Variants in PAPOLG observed in about 807,000 individuals in gnomAD.
PAPOLG encodes PAP-gamma.
In PAPOLG, 40 loss-of-function variants were observed where a neutral mutation model predicts 99.0. That is an observed-to-expected ratio of 0.40 (90% confidence interval 0.31 to 0.53). PAPOLG has a LOEUF of 0.53. Among genes scored for constraint, PAPOLG ranks in the 20% least tolerant of loss-of-function variants. The pLI, the probability that PAPOLG is intolerant of heterozygous loss-of-function variation, is 0.41. For missense variants in PAPOLG, 675 were observed against 884.1 expected, an observed-to-expected ratio of 0.76 and a Z score of 3.00; for synonymous variants, 310 against 299.3, an observed-to-expected ratio of 1.04 and a Z score of -0.37.
chr2:60,769,460 C>T (rs1434878595), intron 5 of PAPOLG, among the ~76,000 whole-genome samples: 1 of 152,090 alleles, frequency 6.6e-6, no homozygotes, highest in Non-Finnish European at 1.5e-5. Context: ...AGTGTTAATG[C>T]ATTCTGAAGT....
chr2:60,782,096 G>T, intron 11 of PAPOLG, 91 bp downstream of exon 11: 1 of 1,279,370 alleles, frequency 7.8e-7, no homozygotes. Flanking sequence ...TTGGCAGTTA[G>T]AGTTATACCT....
rs567442995 is a variant in PAPOLG, at chr2:60,794,620, G to A, written c.1990-90G>A. On this transcript the variant is annotated intron_variant, in intron 19 of 21. Coordinates refer to ENST00000238714, the MANE Select transcript of PAPOLG (RefSeq NM_022894.4). ...TGTTTATAGTAATTTTTATAATAGT[G>A]TAACCAATAACTAGTTTTCCAGTTT... is the stretch of plus-strand genomic sequence containing the variant. The A allele has an allele frequency of 1.6e-5, 17 of 1,077,678 alleles. No individual in the cohort carries two copies. In the South Asian group the frequency reaches 1.7e-4, roughly 11 times the overall value. 66.8% of individuals were successfully genotyped at this position (1,077,678 alleles called of 1,614,324 possible).
At chr2:60,768,247 GGC>G (rs1160542088) in intron 3 of PAPOLG, among the ~76,000 whole-genome samples, 1 of 152,030 alleles carries the variant, frequency 6.6e-6, no homozygotes, top group African/African-American at 2.4e-5. Context: ...GATTACAGGT[GGC>G]CACCACCACG....
chr2:60,783,486 C>T (rs1009637285), intron 13 of PAPOLG, among the ~76,000 whole-genome samples: 1 of 138,438 alleles, frequency 7.2e-6, no homozygotes. Context: ...CAGGCCTGAG[C>T]CACTTTACCC....
chr2:60,786,185 G>T (rs1231351780), intron 13 of PAPOLG, among the ~76,000 whole-genome samples: 2 of 152,050 alleles, frequency 1.3e-5, no homozygotes, highest in African/African-American at 4.8e-5. Flanking sequence ...GTTTACAATT[G>T]CATTTAAAAT....
At chr2:60,758,405 CCT>C (rs1477935523) in intron 1 of PAPOLG, among the ~76,000 whole-genome samples, 1 of 140,342 alleles carries the variant, frequency 7.1e-6, no homozygotes, top group Non-Finnish European at 1.5e-5. Flanking sequence ...ATTCTTTCTC[CCT>C]CTCTGCCTAA....
intron 2 of PAPOLG, among the ~76,000 whole-genome samples, 176 bp downstream of exon 2, chr2:60,760,471 C>T (rs189836948): frequency 3.5e-4 from 54 of 152,168 alleles, no homozygotes; most frequent in Admixed American, 3.9e-4. Flanking sequence ...GATTTGTCAT[C>T]AATAATATCA....
chr2:60,797,117 T>C lies in PAPOLG; in HGVS notation c.2168T>C (p.Ile723Thr). 1 of 1,614,104 alleles carries C rather than the reference T, an allele frequency of 6.2e-7. No homozygotes were observed. The highest frequency in any genetic ancestry group is 8.5e-7 in the Non-Finnish European group (1 of 1,179,964). ...DSSSPVPANNIRVIKNSIRLT... is the reference protein window; with the variant it reads ...DSSSPVPANNTRVIKNSIRLT... ...TCATCTCCAGTTCCAGCAAACAACA[T>C]CCGTGTCATCAAAAATTCCATTCGA... Residue 723 changes from isoleucine to threonine, a missense_variant, in exon 22 of 22, where the codon ATC becomes ACC. Coordinates refer to ENST00000238714, the MANE Select transcript of PAPOLG (RefSeq NM_022894.4).
At chr2:60,760,387 C>CACAGT in intron 2 of PAPOLG, 92 bp downstream of exon 2, 4 of 1,244,216 alleles carry the variant, frequency 3.2e-6, no homozygotes, top group Non-Finnish European at 4.5e-6. Context: ...TCTCTAGATA[C>CACAGT]AGGTGCAGAA....
chr2:60,770,621 T>A, intron 6 of PAPOLG, 110 bp downstream of exon 6: 1 of 666,890 alleles, frequency 1.5e-6, no homozygotes, highest in Non-Finnish European at 2.4e-6. Context: ...TCAAGTAATC[T>A]CTTTTTTTTT....
intron 3 of PAPOLG, among the ~76,000 whole-genome samples, chr2:60,762,384 C>G (rs1288466765): frequency 1.3e-5 from 2 of 151,986 alleles, no homozygotes; most frequent in Non-Finnish European, 2.9e-5. Flanking sequence ...CAATTTCCTG[C>G]TTTGTGTAGT....
intron 11 of PAPOLG, among the ~76,000 whole-genome samples, chr2:60,782,295 G>C (rs574929609): frequency 2.6e-5 from 4 of 152,090 alleles, no homozygotes; most frequent in African/African-American, 4.8e-5. Flanking sequence ...GGCCGGGCGC[G>C]ATGGCTCATG....
Position 60,797,025 on chromosome 2 carries a change from T to C in PAPOLG, c.2113-37T>C, listed in dbSNP as rs376253949. 5 of 1,612,114 alleles carry C rather than the reference T, an allele frequency of 3.1e-6. No individual in the cohort carries two copies. In the Admixed American group the frequency reaches 6.7e-5, roughly 22 times the overall value. ...CTGGGCCTTTATAATATATATGATGTGCTTTTCCTTTTTTGTTTCCTCTTT... is the reference window on the plus strand; with the variant it reads ...CTGGGCCTTTATAATATATATGATGCGCTTTTCCTTTTTTGTTTCCTCTTT... On this transcript the variant is annotated intron_variant, in intron 21 of 21. Transcript: ENST00000238714.
At position 60,794,092 on chromosome 2, in the gene PAPOLG, T is replaced by C. The variant is rs1671625802; in HGVS notation, c.1890T>C (p.His630=). ...TPHNPAQGQP[H]LNGMSNITKT... ...ACAACCCTGCCCAGGGACAACCGCA[T>C]CTGAATGGAATGTCAAATATAACTA... is the stretch of plus-strand genomic sequence containing the variant. Residue 630 remains histidine (H), a synonymous_variant, in exon 19 of 22, where the codon CAT becomes CAC. Coordinates refer to ENST00000238714, the MANE Select transcript of PAPOLG (RefSeq NM_022894.4). 2 of 1,613,988 alleles carry C rather than the reference T, an allele frequency of 1.2e-6. No homozygotes were observed. The highest frequency in any genetic ancestry group is 1.7e-6 in the Non-Finnish European group (2 of 1,180,008).
Position 60,793,951 on chromosome 2 carries a change from A to G in PAPOLG, c.1769-20A>G, listed in dbSNP as rs772979415. 14 of 1,592,298 alleles carry G rather than the reference A, an allele frequency of 8.8e-6. No homozygotes were observed. The South Asian group carries it at 1.5e-4, about 17-fold the overall frequency. On this transcript the variant is annotated intron_variant, in intron 18 of 21. Transcript: ENST00000238714. ...ATTACATAAATGTTTAATTATTAAAATCCTTTTTTTCCTTTTCAGAAGTTG... is the reference window on the plus strand; with the variant it reads ...ATTACATAAATGTTTAATTATTAAAGTCCTTTTTTTCCTTTTCAGAAGTTG...
intron 5 of PAPOLG, 31 bp from the exon 6 acceptor site, chr2:60,770,427 T>G (rs775231476): frequency 1.9e-6 from 3 of 1,565,976 alleles, no homozygotes; most frequent in Non-Finnish European, 2.6e-6. Flanking sequence ...GGATTACACC[T>G]ATGTGTTATA....
At chr2:60,790,575 C>T (rs951559479) in intron 15 of PAPOLG, among the ~76,000 whole-genome samples, 8 of 152,086 alleles carry the variant, frequency 5.3e-5, no homozygotes, top group South Asian at 2.1e-4. Flanking sequence ...TCTTATAAGG[C>T]GTGAAAAGCA....
At chr2:60,788,648 G>A (rs140021111) in intron 15 of PAPOLG, among the ~76,000 whole-genome samples, 1 of 152,058 alleles carries the variant, frequency 6.6e-6, no homozygotes, top group African/African-American at 2.4e-5. Context: ...AACAAAGAAA[G>A]GAAAGCTCTT....
intron 9 of PAPOLG, 125 bp from the exon 10 acceptor site, chr2:60,780,582 T>C: frequency 2.0e-6 from 2 of 1,004,784 alleles, no homozygotes; most frequent in Non-Finnish European, 2.9e-6. Flanking sequence ...GGCCTTTTTT[T>C]CCTTTAATAC....
Sources: gnomAD v4.1 joint callset for allele counts (sites outside exome capture counted in the v4.1 genomes callset) on GRCh38, gnomAD v4.1.1 for gene constraint, MANE v1.5 for transcripts, NCBI Gene and HGNC (gene_info 2026-07-23, HGNC 2026-07-21) for gene names.